Variants in ROBO1 observed in about 807,000 individuals in gnomAD.
ROBO1 encodes roundabout guidance receptor 1, also known as roundabout homolog 1.
A neutral mutation model predicts 195.9 loss-of-function variants in ROBO1; 149 were observed. The ratio of observed to expected loss-of-function variants is 0.76; its 90% CI spans 0.67 to 0.87. The LOEUF is 0.87. Among genes scored for constraint, ROBO1 ranks in the 40% least tolerant of loss-of-function variants. The probability of loss-of-function intolerance (pLI) is 0.00; values close to 1 mark genes in which losing one functional copy is unlikely to be tolerated. For synonymous variants in ROBO1, 816 were observed against 733.2 expected, an observed-to-expected ratio of 1.11 and a Z score of -1.82; for missense variants, 1,933 against 2,068.3, an observed-to-expected ratio of 0.93 and a Z score of 1.27.
At chr3:78,706,336 A>C (rs2081551675) in intron 8 of ROBO1, among the ~76,000 whole-genome samples, 1 of 152,162 alleles carries the variant, frequency 6.6e-6, no homozygotes, top group Non-Finnish European at 1.5e-5. Context: ...ATATAGGAAT[A>C]TAGCATATTA....
intron 1 of ROBO1, among the ~76,000 whole-genome samples, chr3:79,656,082 A>T (rs1946149640): frequency 6.6e-6 from 1 of 152,112 alleles, no homozygotes; most frequent in Non-Finnish European, 1.5e-5. Flanking sequence ...AACACACAAA[A>T]TATTCTCTTC....
intron 2 of ROBO1, among the ~76,000 whole-genome samples, chr3:79,339,274 G>T (rs1009724980): frequency 6.6e-6 from 1 of 152,040 alleles, no homozygotes; most frequent in Non-Finnish European, 1.5e-5. Context: ...ATAGTCTTTT[G>T]CTCAAAGTTT....
At chr3:79,537,745 G>C (rs1234419411) in intron 2 of ROBO1, among the ~76,000 whole-genome samples, 1 of 152,032 alleles carries the variant, frequency 6.6e-6, no homozygotes, top group East Asian at 1.9e-4. Flanking sequence ...GGGGAGTGGG[G>C]AGAGGGGAGG....
At chr3:79,629,069 C>T (rs1380878840) in intron 1 of ROBO1, among the ~76,000 whole-genome samples, 1 of 152,156 alleles carries the variant, frequency 6.6e-6, no homozygotes, top group South Asian at 2.1e-4. Flanking sequence ...CAACACTCCA[C>T]TGACAGCATT....
chr3:79,048,949 G>T (rs2078646283), intron 3 of ROBO1, among the ~76,000 whole-genome samples: 1 of 152,128 alleles, frequency 6.6e-6, no homozygotes, highest in South Asian at 2.1e-4. Context: ...AGAAACCAGA[G>T]CAGAAAAGCT....
chr3:78,810,749 T>TGTA (rs2084712816), intron 4 of ROBO1, among the ~76,000 whole-genome samples: 1 of 152,118 alleles, frequency 6.6e-6, no homozygotes, highest in Non-Finnish European at 1.5e-5. Flanking sequence ...CCCCTACCCT[T>TGTA]GTAATCCATT....
chr3:79,487,630 T>C (rs1939231860), intron 2 of ROBO1, among the ~76,000 whole-genome samples: 1 of 152,210 alleles, frequency 6.6e-6, no homozygotes, highest in Non-Finnish European at 1.5e-5. Context: ...CCTAACACTA[T>C]GTTTAGGTTC....
intron 1 of ROBO1, among the ~76,000 whole-genome samples, chr3:79,663,480 A>T (rs1475409627): frequency 1.3e-5 from 2 of 151,988 alleles, no homozygotes; most frequent in Admixed American, 6.6e-5. Context: ...TTTTACATTA[A>T]TTTATCATCT....
At chr3:79,331,909 G>A (rs989214254) in intron 2 of ROBO1, among the ~76,000 whole-genome samples, 7 of 152,096 alleles carry the variant, frequency 4.6e-5, no homozygotes, top group Admixed American at 6.5e-5. Flanking sequence ...TTGGGAGGCC[G>A]AGGCGGGCAG....
At chr3:79,003,534 A>G (rs1019025374) in intron 3 of ROBO1, among the ~76,000 whole-genome samples, 1 of 152,192 alleles carries the variant, frequency 6.6e-6, no homozygotes, top group Non-Finnish European at 1.5e-5. Flanking sequence ...CAACTTATTT[A>G]GTTTTCACAG....
At chr3:78,787,955 T>G (rs1251397797) in intron 4 of ROBO1, among the ~76,000 whole-genome samples, 12 of 76,352 alleles carry the variant, frequency 1.6e-4, no homozygotes, top group African/African-American at 5.0e-4. Flanking sequence ...TTTTTTTTTT[T>G]TTGATACGGA....
intron 3 of ROBO1, among the ~76,000 whole-genome samples, chr3:79,096,275 G>A (rs915565703): frequency 2.0e-5 from 3 of 151,892 alleles, no homozygotes. Context: ...TCTGATTTAT[G>A]TAGGCATATG....
chr3:79,379,357 T>C (rs1368633718), intron 2 of ROBO1, among the ~76,000 whole-genome samples: 1 of 152,186 alleles, frequency 6.6e-6, no homozygotes, highest in African/African-American at 2.4e-5. Flanking sequence ...AGTAGGATGT[T>C]AGCAAACTTA....
intron 2 of ROBO1, among the ~76,000 whole-genome samples, chr3:79,504,802 CATA>C (rs1298763828): frequency 6.6e-6 from 1 of 152,010 alleles, no homozygotes; most frequent in African/African-American, 2.4e-5. Flanking sequence ...ACCAGTAATA[CATA>C]ATGTTTCACA....
At chr3:78,790,652 T>C (rs1422648565) in intron 4 of ROBO1, among the ~76,000 whole-genome samples, 1 of 152,146 alleles carries the variant, frequency 6.6e-6, no homozygotes. Context: ...CAGCTCCAGA[T>C]TGCCAACACT....
chr3:79,586,731 T>C (rs916839116), intron 2 of ROBO1, among the ~76,000 whole-genome samples: 5 of 151,878 alleles, frequency 3.3e-5, no homozygotes, highest in Non-Finnish European at 5.9e-5. Flanking sequence ...ACAGATCATT[T>C]TACATTTGCT....
chr3:79,056,022 G>A (rs2078800869), intron 3 of ROBO1, among the ~76,000 whole-genome samples: 1 of 152,078 alleles, frequency 6.6e-6, no homozygotes, highest in Admixed American at 6.6e-5. Context: ...CGATTTAAGG[G>A]CCATTAATGC....
chr3:78,881,702 G>A (rs2107261890), intron 4 of ROBO1, among the ~76,000 whole-genome samples: 1 of 152,190 alleles, frequency 6.6e-6, no homozygotes, highest in East Asian at 1.9e-4. Flanking sequence ...GACTGCATCA[G>A]GCCCGTGGCC....
chr3:78,911,951 C>A lies in ROBO1; in HGVS notation c.499+26650G>T, dbSNP rs902087606. On this transcript the variant is annotated intron_variant, in intron 4 of 30. Coordinates refer to ENST00000464233, the MANE Select transcript of ROBO1 (RefSeq NM_002941.4). Reference sequence around the variant, plus strand: ...TCTTTAGTATAAGAAATGAAACATACTGTAGTTTAAACAAGAGAGAAGAAA... The same window carrying A: ...TCTTTAGTATAAGAAATGAAACATAATGTAGTTTAAACAAGAGAGAAGAAA... Among the ~76,000 whole-genome samples, 9 of 151,966 alleles carry A rather than the reference C, an allele frequency of 5.9e-5. 1 individual carries two copies. Among genetic ancestry groups the A allele is most frequent in the African/African-American group, 2.2e-4 (9 of 41,394 alleles).
Sources: allele counts gnomAD v4.1 joint callset (sites outside exome capture counted in the v4.1 genomes callset), GRCh38; gene constraint gnomAD v4.1.1; transcripts MANE v1.5; gene names NCBI Gene and HGNC (gene_info 2026-07-23, HGNC 2026-07-21).